CFAP299: variants seen among roughly 807,000 people sequenced by gnomAD.
CFAP299 encodes cilia and flagella associated protein 299, also known as cilia- and flagella-associated protein 299.
In CFAP299, 21 loss-of-function variants were observed where a neutral mutation model predicts 27.0. The ratio of observed to expected loss-of-function variants is 0.78; its 90% CI spans 0.55 to 1.12. CFAP299 has a LOEUF of 1.12. Ranked by LOEUF, CFAP299 falls within the 50% of genes most tolerant of loss-of-function variation. CFAP299 has a pLI of 0.00. For missense variants in CFAP299, 310 were observed against 276.6 expected (o/e 1.12, Z -0.86); for synonymous variants, 104 against 98.1 (o/e 1.06, Z -0.36).
intron 4 of CFAP299, among the ~76,000 whole-genome samples, chr4:80,914,794 C>G (rs955857351): frequency 6.6e-5 from 10 of 152,032 alleles, no homozygotes; most frequent in African/African-American, 1.7e-4. Context: ...CCTTATTATG[C>G]CTTTACTATC....
At chr4:80,336,840 A>T (rs1054448237) in intron 1 of CFAP299, among the ~76,000 whole-genome samples, 1 of 152,212 alleles carries the variant, frequency 6.6e-6, no homozygotes, top group Non-Finnish European at 1.5e-5. Flanking sequence ...GTGAAAAGCC[A>T]CATCAGTCTG....
intron 2 of CFAP299, among the ~76,000 whole-genome samples, chr4:80,555,166 T>A (rs1384951725): frequency 6.6e-6 from 1 of 152,184 alleles, no homozygotes; most frequent in African/African-American, 2.4e-5. Context: ...TATTTTGAGG[T>A]ATGTTTCTTC....
chr4:80,651,503 C>T (rs933993123), intron 3 of CFAP299, among the ~76,000 whole-genome samples: 1 of 151,314 alleles, frequency 6.6e-6, no homozygotes, highest in African/African-American at 2.4e-5. Flanking sequence ...GTAACTGAGA[C>T]TAGAGTTGTG....
At chr4:80,865,099 C>T (rs1246435176) in intron 3 of CFAP299, among the ~76,000 whole-genome samples, 1 of 152,092 alleles carries the variant, frequency 6.6e-6, no homozygotes, top group Non-Finnish European at 1.5e-5. Context: ...GTTACCAAAA[C>T]TCTCAATGCT....
intron 3 of CFAP299, among the ~76,000 whole-genome samples, chr4:80,601,430 AG>A: frequency 6.6e-6 from 1 of 152,308 alleles, no homozygotes; most frequent in African/African-American, 2.4e-5. Context: ...TTAGAGTTTG[AG>A]GGCATTATTT....
In CFAP299 at chr4:80,688,391, T is replaced by C. The variant is rs570467806; in HGVS notation, c.333+105208T>C. Among the ~76,000 whole-genome samples, 932 of 128,032 alleles carry C rather than the reference T, an allele frequency of 7.3e-3. 6 individuals carry two copies. Among genetic ancestry groups the C allele is most frequent in the Non-Finnish European group, 0.01 (632 of 61,350 alleles). The allele number at this position is 128,032 out of a possible 152,430, so 84.0% of individuals were successfully genotyped here. On this transcript the variant is annotated intron_variant, in intron 3 of 5. Coordinates refer to ENST00000358105, the MANE Select transcript of CFAP299 (RefSeq NM_152770.3). ...AAGTGGGTCCCTGACCCCTGACCCATGAGCAGCCTAACTGGGAGGCACCCC... is the reference window on the plus strand; with the variant it reads ...AAGTGGGTCCCTGACCCCTGACCCACGAGCAGCCTAACTGGGAGGCACCCC...
upstream of CFAP299, among the ~76,000 whole-genome samples, chr4:80,334,030 A>G (rs184991817): frequency 3.3e-5 from 5 of 152,326 alleles, no homozygotes; most frequent in Admixed American, 3.3e-4. Context: ...TAAGTTTATG[A>G]ATTTTCTTGA....
chr4:80,934,003 T>A (rs1736761848), intron 4 of CFAP299, among the ~76,000 whole-genome samples: 1 of 152,120 alleles, frequency 6.6e-6, no homozygotes, highest in South Asian at 2.1e-4. Flanking sequence ...CTTGTCTTGT[T>A]CCTAACCTTG....
chr4:80,854,852 T>C (rs1313064412), intron 3 of CFAP299, among the ~76,000 whole-genome samples: 1 of 137,024 alleles, frequency 7.3e-6, no homozygotes, highest in Non-Finnish European at 1.5e-5. Flanking sequence ...AAAGGAAAAT[T>C]GGGTTGAAAC....
intron 3 of CFAP299, among the ~76,000 whole-genome samples, chr4:80,819,837 G>C (rs999693672): frequency 2.6e-5 from 4 of 151,898 alleles, no homozygotes; most frequent in African/African-American, 9.7e-5. Context: ...CTCTAAAAAG[G>C]GCTCCATTCT....
chr4:80,710,847 G>A (rs2110036339), intron 3 of CFAP299, among the ~76,000 whole-genome samples: 1 of 151,914 alleles, frequency 6.6e-6, no homozygotes, highest in South Asian at 2.1e-4. Context: ...CTCCTTTTTT[G>A]TACCTGGGAC....
intron 2 of CFAP299, among the ~76,000 whole-genome samples, chr4:80,474,141 T>C (rs761257056): frequency 1.2e-4 from 19 of 152,214 alleles, no homozygotes; most frequent in Non-Finnish European, 2.5e-4. Context: ...ATGTTTTTAT[T>C]TGGACACTAA....
chr4:80,682,180 T>C (rs992040330), intron 3 of CFAP299, among the ~76,000 whole-genome samples: 1 of 152,222 alleles, frequency 6.6e-6, no homozygotes, highest in African/African-American at 2.4e-5. Context: ...AATGTCATCA[T>C]CCATAAAAAT....
intron 4 of CFAP299, among the ~76,000 whole-genome samples, chr4:80,888,662 A>T (rs1478834582): frequency 6.6e-6 from 1 of 152,080 alleles, no homozygotes. Context: ...ATGGCTGAAG[A>T]ATACACATTC....
At chr4:80,450,646 G>A (rs1428928063) in intron 2 of CFAP299, among the ~76,000 whole-genome samples, 1 of 151,664 alleles carries the variant, frequency 6.6e-6, no homozygotes, top group Non-Finnish European at 1.5e-5. Context: ...TTTAAACTCT[G>A]GAATTCAGAA....
intron 3 of CFAP299, among the ~76,000 whole-genome samples, chr4:80,842,364 G>C (rs548869045): frequency 6.6e-6 from 1 of 152,060 alleles, no homozygotes; most frequent in East Asian, 1.9e-4. Flanking sequence ...TAGGAGAATG[G>C]CACTAGAGAA....
chr4:80,769,663 G>A (rs1726097567), intron 3 of CFAP299, among the ~76,000 whole-genome samples: 1 of 152,074 alleles, frequency 6.6e-6, no homozygotes, highest in Non-Finnish European at 1.5e-5. Flanking sequence ...CAAAGTGCTG[G>A]GATTATAGGC....
intron 2 of CFAP299, among the ~76,000 whole-genome samples, chr4:80,377,744 A>G (rs369856295): frequency 6.6e-6 from 1 of 152,122 alleles, no homozygotes; most frequent in Non-Finnish European, 1.5e-5. Context: ...AAATCTCTTC[A>G]TTTATTTGGG....
chr4:80,468,942 G>A (rs1191290039), intron 2 of CFAP299, among the ~76,000 whole-genome samples: 1 of 151,866 alleles, frequency 6.6e-6, no homozygotes, highest in African/African-American at 2.4e-5. Flanking sequence ...ATTTCTAGGG[G>A]TCTCCTGGCT....
Sources: allele counts gnomAD v4.1 joint callset (sites outside exome capture counted in the v4.1 genomes callset), GRCh38; gene constraint gnomAD v4.1.1; transcripts MANE v1.5; gene names NCBI Gene and HGNC (gene_info 2026-07-23, HGNC 2026-07-21).